SLC3A2: variants seen among roughly 807,000 people sequenced by gnomAD.
The protein encoded by SLC3A2 is solute carrier family 3 member 2.
SLC3A2 carries 32 observed loss-of-function variants against 48.5 expected under a neutral mutation model. That is an observed-to-expected ratio of 0.66 (90% confidence interval 0.50 to 0.89). The LOEUF (loss-of-function observed/expected upper bound fraction) is 0.89. Among genes scored for constraint, SLC3A2 ranks in the 40% least tolerant of loss-of-function variants. The pLI is 0.00. For missense variants in SLC3A2, 587 were observed against 680.7 expected (o/e 0.86, Z 1.53); for synonymous variants, 277 against 288.8 (o/e 0.96, Z 0.41).
At position 62,864,528 on chromosome 11, in the gene SLC3A2, G is replaced by A. The variant is rs2085432568; in HGVS notation, c.112+8147G>A. Among the ~76,000 whole-genome samples the A allele has an allele frequency of 2.0e-5, 3 of 151,990 alleles. No homozygotes were observed. The South Asian group carries it at 6.2e-4, about 32-fold the overall frequency. ...GTCGCCCAGGCTGGAGTGCAGTGGCGCGATCTCGGCTCACTGCAAGCTCCA... is the reference window on the plus strand; with the variant it reads ...GTCGCCCAGGCTGGAGTGCAGTGGCACGATCTCGGCTCACTGCAAGCTCCA... On this transcript the variant is annotated intron_variant, in intron 1 of 9. Transcript: ENST00000377889.
intron 7 of SLC3A2, among the ~76,000 whole-genome samples, chr11:62,887,071 T>G (rs144265390): frequency 6.6e-6 from 1 of 152,258 alleles, no homozygotes; most frequent in African/African-American, 2.4e-5. Context: ...AGTTATTCAT[T>G]TATTCCACAG....
intron 1 of SLC3A2, among the ~76,000 whole-genome samples, chr11:62,875,421 G>C (rs544947859): frequency 6.6e-6 from 1 of 152,266 alleles, no homozygotes; most frequent in Non-Finnish European, 1.5e-5. Flanking sequence ...TGGGCGTGGT[G>C]GTGGGCACCT....
chr11:62,860,626 C>T (rs560792600), intron 1 of SLC3A2, among the ~76,000 whole-genome samples: 2 of 152,114 alleles, frequency 1.3e-5, no homozygotes, highest in Non-Finnish European at 2.9e-5. Flanking sequence ...TGCAAAGAGG[C>T]CTTCCTCTTT....
rs3015957 is a variant in SLC3A2, at chr11:62,881,259, G to T, written c.236G>T (p.Arg79Leu). The change falls in exon 1 of 9, where the codon CGC (arginine) becomes CTC (leucine). Residue 79 changes from arginine (R) to leucine (L), a missense_variant. Arg to Leu is a moderately radical substitution (Grantham distance 102). Around this residue, in one of 3 missense-constraint regions of SLC3A2, gnomAD observed 409 missense variants for 446.7 expected, o/e 0.92. Coordinates refer to ENST00000338663, the MANE Select transcript of SLC3A2 (RefSeq NM_001013251.3). This position sits in a 1 kb window ranked among gnomAD's most constrained non-coding sequence, Gnocchi z 4.0. The stretch of plus-strand genomic sequence containing the variant: ...GTGGCAGGCAGCCCCGGCTGGGTAC[G>T]CACCCGCTGGGCACTGCTGCTGCTC... ...LKVAGSPGWVRTRWALLLLFW... is the reference protein window; with the variant it reads ...LKVAGSPGWVLTRWALLLLFW... 2.5e-6 allele frequency: 4 copies of T among 1,584,772 alleles called. No homozygotes were observed. Among genetic ancestry groups the T allele is most frequent in the Non-Finnish European group, 3.4e-6 (4 of 1,166,952 alleles).
chr11:62,884,611 A>G, intron 4 of SLC3A2, 21 bp from the exon 5 acceptor site: 1 of 1,611,794 alleles, frequency 6.2e-7, no homozygotes, highest in Non-Finnish European at 8.5e-7. Context: ...CTGGTCCTTG[A>G]TTCTGCTTTT....
At chr11:62,856,518 GGT>G in intron 1 of SLC3A2, 2 of 702,926 alleles carry the variant, frequency 2.8e-6, no homozygotes, top group South Asian at 3.9e-5. Flanking sequence ...CCTGCCTTCT[GGT>G]GCGTTTTCTT....
In SLC3A2 at chr11:62,881,457, G is replaced by A; in HGVS notation, c.424+10G>A. 2 of 1,568,024 alleles carry A rather than the reference G, an allele frequency of 1.3e-6. No individual in the cohort carries two copies. The highest frequency in any genetic ancestry group is 1.7e-6 in the Non-Finnish European group (2 of 1,165,200). ...GCGGGCAACCTGGCGGGTGAGTGCA[G>A]CGCGCCCCCGTCCCGGGTACCTCCG... On this transcript the variant is annotated intron_variant, in intron 1 of 8. Transcript: ENST00000338663. This position sits in a 1 kb window ranked among gnomAD's most constrained non-coding sequence, Gnocchi z 4.0.
intron 1 of SLC3A2, among the ~76,000 whole-genome samples, chr11:62,863,141 G>A (rs1318132104): frequency 6.6e-6 from 1 of 152,018 alleles, no homozygotes; most frequent in Non-Finnish European, 1.5e-5. Flanking sequence ...GGCTAGTCTC[G>A]AACCCCTGAC....
At chr11:62,868,955 G>C (rs2085481679) in intron 1 of SLC3A2, among the ~76,000 whole-genome samples, 1 of 151,992 alleles carries the variant, frequency 6.6e-6, no homozygotes, top group South Asian at 2.1e-4. Context: ...CTGGAGTGCA[G>C]TGGTGTGATT....
In SLC3A2 at chr11:62,881,254, G is replaced by C. The variant is rs2085633567; in HGVS notation, c.231G>C (p.Trp77Cys). Residue 77 changes from tryptophan to cysteine, a missense_variant, in exon 1 of 9, where the codon TGG becomes TGC. Physicochemically the swap from Trp to Cys is radical, Grantham distance 215 (BLOSUM62 -2). Around this residue, in one of 3 missense-constraint regions of SLC3A2, gnomAD observed 409 missense variants for 446.7 expected, o/e 0.92. Transcript: ENST00000338663. This position sits in a 1 kb window ranked among gnomAD's most constrained non-coding sequence, Gnocchi z 4.0. ...ELLKVAGSPG[W>C]VRTRWALLLL... The stretch of plus-strand genomic sequence containing the variant: ...TGAAGGTGGCAGGCAGCCCCGGCTG[G>C]GTACGCACCCGCTGGGCACTGCTGC... 1 of 1,585,120 alleles carries C rather than the reference G, an allele frequency of 6.3e-7. No homozygotes were observed. Among genetic ancestry groups the C allele is most frequent in the South Asian group, 1.1e-5 (1 of 87,260 alleles).
intron 5 of SLC3A2, 100 bp from the exon 6 acceptor site, chr11:62,885,077 C>T (rs1022427706): frequency 1.4e-5 from 18 of 1,320,734 alleles, no homozygotes; most frequent in African/African-American, 5.8e-5. Flanking sequence ...GTGATCCACC[C>T]GCCTCAGCCT....
intron 7 of SLC3A2, among the ~76,000 whole-genome samples, chr11:62,887,614 A>G (rs1446170428): frequency 6.6e-6 from 1 of 151,738 alleles, no homozygotes; most frequent in Non-Finnish European, 1.5e-5. Context: ...GAGGCAGGAG[A>G]ATCGCTTGAA....
At chr11:62,877,004 C>T, upstream of SLC3A2, 1 of 950,276 alleles carries the variant, frequency 1.1e-6, no homozygotes, top group Non-Finnish European at 1.3e-6. Context: ...TTTTCATTTT[C>T]CTGCCTTTGT....
At chr11:62,880,323 T>C (rs2085615860), upstream of SLC3A2, 1 of 152,266 alleles carries the variant, frequency 6.6e-6, no homozygotes, top group Non-Finnish European at 1.5e-5. Flanking sequence ...TTTCTTGAAA[T>C]GAATTCAAGA....
chr11:62,881,320 C>G lies in SLC3A2; in HGVS notation c.297C>G (p.Ala99=), dbSNP rs921536046. The change falls in exon 1 of 9, where the codon GCC becomes GCG. Residue 99 remains alanine (A), a synonymous_variant. Coordinates refer to ENST00000338663, the MANE Select transcript of SLC3A2 (RefSeq NM_001013251.3). The surrounding 1 kb of genome is among the most constrained non-coding windows in gnomAD (Gnocchi z 4.0). ...GCTGGCTCGGCATGCTTGCTGGTGC[C>G]GTGGTCATAATCGTGCGAGCGCCGC... ...WLGWLGMLAG[A]VVIIVRAPRC... 5 of 1,581,568 alleles carry G rather than the reference C, an allele frequency of 3.2e-6. No homozygotes were observed. The highest frequency in any genetic ancestry group is 2.0e-4 in the Middle Eastern group (1 of 4,976).
intron 1 of SLC3A2, among the ~76,000 whole-genome samples, chr11:62,874,963 A>T (rs988473634): frequency 6.6e-6 from 1 of 152,012 alleles, no homozygotes; most frequent in Non-Finnish European, 1.5e-5. Flanking sequence ...GGGATTTGCC[A>T]TGTTGGCCAA....
intron 7 of SLC3A2, among the ~76,000 whole-genome samples, chr11:62,887,206 G>A (rs937472057): frequency 2.0e-5 from 3 of 152,174 alleles, no homozygotes; most frequent in African/African-American, 7.2e-5. Flanking sequence ...CTATGCAAAA[G>A]AAGGCGGGGT....
At chr11:62,874,574 CTGACAGGTCTCTTCTT>C (rs1194039709) in intron 1 of SLC3A2, among the ~76,000 whole-genome samples, 14 of 152,128 alleles carry the variant, frequency 9.2e-5, no homozygotes, top group Admixed American at 7.9e-4. Flanking sequence ...TAAGACAACC[CTGACAGGTCTCTTCTT>C]TAGCAGCCAG....
chr11:62,887,801 C>G, intron 7 of SLC3A2: 1 of 193,416 alleles, frequency 5.2e-6, no homozygotes. Context: ...GGGCCCAGGG[C>G]TTTTTTTTTG....
Sources: allele counts gnomAD v4.1 joint callset (sites outside exome capture counted in the v4.1 genomes callset), GRCh38; gene constraint gnomAD v4.1.1; regional missense constraint gnomAD v4.1.1; non-coding constraint Gnocchi (gnomAD v3.1); transcripts MANE v1.5; gene names NCBI Gene and HGNC (gene_info 2026-07-23, HGNC 2026-07-21).